Variants in TTC29 observed in about 807,000 individuals in gnomAD.
TTC29 encodes the protein tetratricopeptide repeat protein 29.
Under a neutral mutation model 58.1 loss-of-function variants are expected in TTC29, and 49 were observed. That is an observed-to-expected ratio of 0.84 (90% confidence interval 0.67 to 1.07). The LOEUF is 1.07. Among genes scored for constraint, TTC29 ranks in the 50% least tolerant of loss-of-function variants. The pLI is 0.00. For synonymous variants in TTC29, 209 were observed against 196.8 expected (o/e 1.06, Z -0.52); for missense variants, 582 against 555.6 (o/e 1.05, Z -0.48).
intron 11 of TTC29, among the ~76,000 whole-genome samples, chr4:146,765,255 G>A (rs1001859350): frequency 1.3e-5 from 2 of 152,096 alleles, no homozygotes; most frequent in African/African-American, 4.8e-5. Flanking sequence ...AGAGAGGTGT[G>A]TTATTAAGAC....
chr4:146,795,799 G>C lies in TTC29; in HGVS notation c.1330+7658C>G, dbSNP rs539996827. Reference sequence around the variant, plus strand: ...TCCTAAGAAAGCCTTACCAAAAAAGGATTAAATACACATAGGAGAGGATCA... The same window carrying C: ...TCCTAAGAAAGCCTTACCAAAAAAGCATTAAATACACATAGGAGAGGATCA... On this transcript the variant is annotated intron_variant, in intron 11 of 12. Transcript: ENST00000325106. 1.1e-4 allele frequency among the ~76,000 whole-genome samples: 16 copies of C among 152,256 alleles called. No individual in the cohort carries two copies. In the East Asian group the frequency reaches 3.1e-3, roughly 29 times the overall value.
chr4:146,798,012 C>G (rs947294948), intron 11 of TTC29, among the ~76,000 whole-genome samples: 18 of 151,532 alleles, frequency 1.2e-4, no homozygotes, highest in African/African-American at 4.4e-4. Context: ...GTTTCTATTG[C>G]TATGTCTTCA....
chr4:146,879,240 T>C (rs1731466596), intron 6 of TTC29, among the ~76,000 whole-genome samples: 1 of 152,196 alleles, frequency 6.6e-6, no homozygotes, highest in Non-Finnish European at 1.5e-5. Context: ...GAATATTTGA[T>C]TTAAAAATAT....
chr4:146,789,208 G>T (rs1259106782), intron 11 of TTC29, among the ~76,000 whole-genome samples: 2 of 152,170 alleles, frequency 1.3e-5, no homozygotes, highest in African/African-American at 4.8e-5. Flanking sequence ...CACTAACTGG[G>T]TTTACATATA....
intron 6 of TTC29, among the ~76,000 whole-genome samples, chr4:146,891,351 G>A (rs1456417078): frequency 6.6e-6 from 1 of 151,962 alleles, no homozygotes; most frequent in Non-Finnish European, 1.5e-5. Flanking sequence ...TTCTAGGTGG[G>A]GGAGAAAGGC....
chr4:146,857,260 T>G (rs1313793927), intron 8 of TTC29, among the ~76,000 whole-genome samples: 1 of 136,462 alleles, frequency 7.3e-6, no homozygotes, highest in Non-Finnish European at 1.6e-5. Flanking sequence ...TAGGCGCTGT[T>G]TGTGTACTAG....
chr4:146,850,651 T>C (rs556110980), intron 8 of TTC29, among the ~76,000 whole-genome samples: 2 of 152,306 alleles, frequency 1.3e-5, no homozygotes, highest in African/African-American at 4.8e-5. Flanking sequence ...TCAAAACCCA[T>C]TTTGAAGATC....
chr4:146,719,195 T>G (rs965319975), intron 11 of TTC29, among the ~76,000 whole-genome samples: 1 of 148,320 alleles, frequency 6.7e-6, no homozygotes, highest in African/African-American at 2.6e-5. Context: ...TTGGGGTGTG[T>G]GTGTGTGTGT....
chr4:146,741,698 G>A (rs1310951194), intron 11 of TTC29, among the ~76,000 whole-genome samples: 1 of 152,044 alleles, frequency 6.6e-6, no homozygotes, highest in Non-Finnish European at 1.5e-5. Flanking sequence ...TTCCTAACAT[G>A]TTCTAGCTGC....
At chr4:146,741,504 T>C (rs1322356102) in intron 11 of TTC29, among the ~76,000 whole-genome samples, 1 of 151,482 alleles carries the variant, frequency 6.6e-6, no homozygotes, top group African/African-American at 2.4e-5. Flanking sequence ...TTTTTTTTGC[T>C]TACTTTATTT....
At chr4:146,821,238 G>A (rs965557306) in intron 9 of TTC29, among the ~76,000 whole-genome samples, 2 of 152,122 alleles carry the variant, frequency 1.3e-5, no homozygotes, top group African/African-American at 2.4e-5. Flanking sequence ...CAAATAATGG[G>A]TACAAGGTTT....
At chr4:146,941,534 A>G (rs1043547764) in intron 2 of TTC29, among the ~76,000 whole-genome samples, 1 of 152,182 alleles carries the variant, frequency 6.6e-6, no homozygotes, top group Non-Finnish European at 1.5e-5. Context: ...TCAGATGTTG[A>G]TAAGATTCTC....
chr4:146,780,262 G>A (rs940193215), intron 11 of TTC29, among the ~76,000 whole-genome samples: 27 of 149,424 alleles, frequency 1.8e-4, no homozygotes, highest in Non-Finnish European at 3.4e-4. Context: ...GTATAGGATC[G>A]TCAAATGAGT....
At chr4:146,928,157 T>A (rs1167797540) in intron 4 of TTC29, among the ~76,000 whole-genome samples, 2 of 152,034 alleles carry the variant, frequency 1.3e-5, no homozygotes, top group Non-Finnish European at 2.9e-5. Flanking sequence ...GAATGAGAGA[T>A]GAGAGAAAAC....
chr4:146,900,867 A>G (rs1020275873), intron 6 of TTC29, among the ~76,000 whole-genome samples: 1 of 152,206 alleles, frequency 6.6e-6, no homozygotes, highest in African/African-American at 2.4e-5. Context: ...AAATTTAAAA[A>G]TCAAACAAAA....
intron 10 of TTC29, among the ~76,000 whole-genome samples, chr4:146,809,600 A>C (rs1750870525): frequency 6.7e-6 from 1 of 150,048 alleles, no homozygotes; most frequent in African/African-American, 2.4e-5. Context: ...AAAGTGGGCA[A>C]AGGATATGAA....
chr4:146,871,713 A>G (rs1330359696), intron 7 of TTC29, among the ~76,000 whole-genome samples: 1 of 151,984 alleles, frequency 6.6e-6, no homozygotes, highest in Admixed American at 6.6e-5. Context: ...AAGGCAGTAC[A>G]TATACACTGA....
At chr4:146,862,253 A>T (rs987608919) in intron 8 of TTC29, among the ~76,000 whole-genome samples, 19 of 111,684 alleles carry the variant, frequency 1.7e-4, no homozygotes, top group Middle Eastern at 4.4e-3. Context: ...TTTTATCATT[A>T]TATATATATA....
In TTC29 at chr4:146,745,352, T is replaced by TA. The variant is rs1183607258; in HGVS notation, c.1331-37802dup. ...GGAAAATGAAATGCTGGCAGGTAGA[T>TA]AGAGAACCACTAGTCATGGAGCTGA... On this transcript the variant is annotated intron_variant, in intron 11 of 12. Coordinates refer to ENST00000325106, the MANE Select transcript of TTC29 (RefSeq NM_031956.4). 2.0e-5 allele frequency among the ~76,000 whole-genome samples: 3 copies of TA among 152,216 alleles called. No individual in the cohort carries two copies. The South Asian group carries it at 6.2e-4, about 32-fold the overall frequency.
Sources: gnomAD v4.1 joint callset for allele counts (sites outside exome capture counted in the v4.1 genomes callset) on GRCh38, gnomAD v4.1.1 for gene constraint, MANE v1.5 for transcripts, NCBI Gene and HGNC (gene_info 2026-07-23, HGNC 2026-07-21) for gene names.